TGFBRAP1: variants seen among roughly 807,000 people sequenced by gnomAD.
The protein encoded by TGFBRAP1 is transforming growth factor beta receptor associated protein 1.
TGFBRAP1 carries 20 observed loss-of-function variants against 83.2 expected under a neutral mutation model. The ratio of observed to expected loss-of-function variants is 0.24; its 90% CI spans 0.17 to 0.35. The LOEUF is 0.35. Among genes scored for constraint, TGFBRAP1 ranks in the 10% least tolerant of loss-of-function variants. The probability of loss-of-function intolerance (pLI) is 1.00; values close to 1 mark genes in which losing one functional copy is unlikely to be tolerated. For missense variants in TGFBRAP1, 950 were observed against 1,099.4 expected, an observed-to-expected ratio of 0.86 and a Z score of 1.92; for synonymous variants, 415 against 459.8, an observed-to-expected ratio of 0.90 and a Z score of 1.25.
At chr2:105,253,804 A>T in the TGFBRAP1 span, among the ~76,000 whole-genome samples, 2 of 152,242 alleles carry the variant, frequency 1.3e-5, no homozygotes, top group Non-Finnish European at 2.9e-5. Context: ...TTGTAAAAAC[A>T]AAACAAAAAC....
At chr2:105,310,597 A>G (rs1248846571) in intron 1 of TGFBRAP1, among the ~76,000 whole-genome samples, 1 of 152,142 alleles carries the variant, frequency 6.6e-6, no homozygotes, top group Non-Finnish European at 1.5e-5. Flanking sequence ...CTGTGGGAAC[A>G]TCCCCAGAAT....
chr2:105,324,285 G>A (rs977775337), intron 1 of TGFBRAP1: 4 of 152,148 alleles, frequency 2.6e-5, no homozygotes, highest in Non-Finnish European at 4.4e-5. Context: ...GCAACTCTTA[G>A]GTAAGTCCAA....
chr2:105,329,454 TC>T (rs1679307036), intron 1 of TGFBRAP1, among the ~76,000 whole-genome samples, 170 bp downstream of exon 1: 1 of 96,546 alleles, frequency 1.0e-5, no homozygotes, highest in Non-Finnish European at 2.1e-5. Context: ...AGCCACTTGC[TC>T]CCCCCACCCC....
chr2:105,314,717 G>C (rs1156463591), intron 1 of TGFBRAP1, among the ~76,000 whole-genome samples: 1 of 151,834 alleles, frequency 6.6e-6, no homozygotes, highest in Non-Finnish European at 1.5e-5. Flanking sequence ...GGGAGGCCAA[G>C]GCAGGTGGAT....
At chr2:105,300,784 G>C (rs985423204) in intron 2 of TGFBRAP1, among the ~76,000 whole-genome samples, 5 of 152,118 alleles carry the variant, frequency 3.3e-5, no homozygotes, top group Admixed American at 2.6e-4. Flanking sequence ...ACGTGAATAG[G>C]CAAATGAACT....
rs142590624 is a variant in TGFBRAP1 at position 105,275,304 on chromosome 2, G to C, written c.1665+256C>G. 1.5e-3 allele frequency among the ~76,000 whole-genome samples: 229 copies of C among 152,350 alleles called. 1 individual carries two copies. Among genetic ancestry groups the C allele is most frequent in the African/African-American group, 5.3e-3 (220 of 41,580 alleles). ...TAAAAATGCAAGCTGGCTATGTCTT[G>C]CTTTTCTATACAAGTGACTTGCCCC... On this transcript the variant is annotated intron_variant, in intron 8 of 11. Transcript: ENST00000393359.
chr2:105,293,546 C>A (rs1677984123), intron 4 of TGFBRAP1, among the ~76,000 whole-genome samples: 1 of 152,172 alleles, frequency 6.6e-6, no homozygotes. Flanking sequence ...GCTTCTCATC[C>A]TCTCCCTTCC....
In TGFBRAP1 at chr2:105,307,879, G is replaced by A; in HGVS notation, c.423C>T (p.Ile141=). The change falls in exon 2 of 12, where the codon ATC becomes ATT. Residue 141 remains isoleucine, a synonymous_variant. Transcript: ENST00000393359. ...GDPFCVEVCI[I]SVKRRTIQMF... ...TCTGGATGGTTCTGCGTTTGACAGAGATGATGCAAACTTCTACACAGAAGG... is the reference window on the plus strand; with the variant it reads ...TCTGGATGGTTCTGCGTTTGACAGAAATGATGCAAACTTCTACACAGAAGG... 1 of 1,614,236 alleles carries A rather than the reference G, an allele frequency of 6.2e-7. No individual in the cohort carries two copies. Among genetic ancestry groups the A allele is most frequent in the African/African-American group, 1.3e-5 (1 of 75,068 alleles).
chr2:105,288,693 T>TA (rs1432822078), intron 4 of TGFBRAP1, among the ~76,000 whole-genome samples: 2 of 152,154 alleles, frequency 1.3e-5, no homozygotes, highest in Non-Finnish European at 2.9e-5. Context: ...TTTAACTTAT[T>TA]AAAAAACCAT....
chr2:105,269,728 C>A lies in TGFBRAP1; in HGVS notation c.1973-23G>T. ...TCTCTGCAAGACAGAACCTGCAGCT[C>A]AGAAAGAAAGGGGCTCGCCGGCCAC... On this transcript the variant is annotated intron_variant, in intron 10 of 11. Coordinates refer to ENST00000393359, the MANE Select transcript of TGFBRAP1 (RefSeq NM_004257.6). The surrounding 1 kb of genome is among the most constrained non-coding windows in gnomAD (Gnocchi z 4.1). 6.7e-7 allele frequency: 1 copy of A among 1,491,142 alleles called. No individual in the cohort carries two copies. Among genetic ancestry groups the A allele is most frequent in the Admixed American group, 2.2e-5 (1 of 44,706 alleles). The allele number at this position is 1,491,142 out of a possible 1,614,324, so 92.4% of individuals were successfully genotyped here. A position where few individuals can be genotyped will look rare whatever the true frequency, so the allele number is the denominator to read the frequency against.
At chr2:105,325,357 G>A (rs1044750134) in intron 1 of TGFBRAP1, among the ~76,000 whole-genome samples, 7 of 152,154 alleles carry the variant, frequency 4.6e-5, no homozygotes, top group African/African-American at 1.4e-4. Context: ...TTACCTTGAC[G>A]CTGAGAGGTG....
chr2:105,261,208 C>T (rs1676779625), downstream of TGFBRAP1, among the ~76,000 whole-genome samples: 1 of 152,092 alleles, frequency 6.6e-6, no homozygotes. Context: ...CTATCATGCA[C>T]ATTGCTGTGG....
intron 1 of TGFBRAP1, among the ~76,000 whole-genome samples, chr2:105,317,331 G>C (rs899173790): frequency 7.4e-4 from 112 of 152,158 alleles, no homozygotes; most frequent in African/African-American, 2.6e-3. Flanking sequence ...CAGCTACTCG[G>C]GAGGCTAAGG....
At chr2:105,308,515 G>GACACAT (rs1177851867) in intron 1 of TGFBRAP1, among the ~76,000 whole-genome samples, 197 bp from the exon 2 acceptor site, 2 of 151,952 alleles carry the variant, frequency 1.3e-5, no homozygotes, top group Non-Finnish European at 2.9e-5. Context: ...GAAAACCACA[G>GACACAT]ACACATACAC....
At position 105,269,599 on chromosome 2, in the gene TGFBRAP1, A is replaced by G. The variant is rs2104307672; in HGVS notation, c.2079T>C (p.Phe693=). Residue 693 remains phenylalanine (F), a synonymous_variant, in exon 11 of 12, where the codon TTT becomes TTC. Transcript: ENST00000393359. The surrounding 1 kb of genome is among the most constrained non-coding windows in gnomAD (Gnocchi z 4.1). ...ACAGGCAGTAGTCCTCGGCCGCTGC[A>G]AAGTCCTGCAGCTCGTGCACCAGGA... ...LHILVHELQD[F]AAAEDYCLWC... The G allele has an allele frequency of 1.2e-6, 2 of 1,609,960 alleles. No homozygotes were observed. Among genetic ancestry groups the G allele is most frequent in the Non-Finnish European group, 1.7e-6 (2 of 1,177,652 alleles).
At position 105,267,383 on chromosome 2, in the gene TGFBRAP1, TCAAGTC is replaced by T; in HGVS notation, c.2577_2582del (p.Thr860_Ter861delextTer13). The T allele has an allele frequency of 2.5e-6, 4 of 1,614,130 alleles. No homozygotes were observed. The highest frequency in any genetic ancestry group is 3.4e-6 in the Non-Finnish European group (4 of 1,180,016). ...CCCTCGCACCCTTGGGCCAAGCTTT[TCAAGTC>T]CGAGTGCCAGGACTGGATGAGCTGG... is the stretch of plus-strand genomic sequence containing the variant. On this transcript the variant is annotated stop_lost and inframe_deletion, in exon 12 of 12. Transcript: ENST00000393359.
At chr2:105,308,924 C>A (rs1678609908) in intron 1 of TGFBRAP1, among the ~76,000 whole-genome samples, 1 of 152,212 alleles carries the variant, frequency 6.6e-6, no homozygotes. Context: ...GCCTTGGATT[C>A]CTTTGTGTTC....
chr2:105,313,288 C>T (rs892812026), intron 1 of TGFBRAP1, among the ~76,000 whole-genome samples: 9 of 152,206 alleles, frequency 5.9e-5, no homozygotes, highest in Non-Finnish European at 1.0e-4. Flanking sequence ...TACTTGGAGA[C>T]CTGTTACAAA....
In TGFBRAP1 at chr2:105,308,085, A is replaced by C; in HGVS notation, c.217T>G (p.Leu73Val). 1 of 1,613,868 alleles carries C rather than the reference A, an allele frequency of 6.2e-7. No individual in the cohort carries two copies. Residue 73 changes from leucine (L) to valine (V), a missense_variant, in exon 2 of 12, where the codon TTG becomes GTG. Coordinates refer to ENST00000393359, the MANE Select transcript of TGFBRAP1 (RefSeq NM_004257.6). ...FTATKQLQRH[L>V]GFKKPVNELR... is the part of the protein sequence containing the mutation. ...TCGTTCACGGGCTTCTTGAAGCCCA[A>C]GTGTCTCTGCAGCTGTTTGGTGGCA...
Sources: allele counts gnomAD v4.1 joint callset (sites outside exome capture counted in the v4.1 genomes callset), GRCh38; gene constraint gnomAD v4.1.1; non-coding constraint Gnocchi (gnomAD v3.1); transcripts MANE v1.5; gene names NCBI Gene and HGNC (gene_info 2026-07-23, HGNC 2026-07-21).